Variants in PUS3 observed in about 807,000 individuals in gnomAD.
The protein encoded by PUS3 is pseudouridine synthase 3.
A neutral mutation model predicts 43.3 loss-of-function variants in PUS3; 36 were observed. The observed-to-expected ratio is 0.83, with a 90% CI of 0.64 to 1.10. The LOEUF (loss-of-function observed/expected upper bound fraction) is 1.10, where lower values mean the gene tolerates loss of function less well. PUS3 is among the 50% of genes least tolerant of loss of function. The pLI, the probability that PUS3 is intolerant of heterozygous loss-of-function variation, is 0.00. For synonymous variants in PUS3, 183 were observed against 199.2 expected (o/e 0.92, Z 0.69); for missense variants, 544 against 589.9 (o/e 0.92, Z 0.81).
Position 125,896,180 on chromosome 11 carries a change from A to G in PUS3, c.105T>C (p.Asn35=). ...VQRLKKEQAK[N]KEDSNIRENS... is the part of the protein sequence containing the mutation. The stretch of plus-strand genomic sequence containing the variant: ...TTTCTCTAATGTTTGAGTCCTCCTT[A>G]TTTTTGGCCTGTTCCTTTTTAAGTC... Residue 35 remains asparagine (N), a synonymous_variant, in exon 2 of 4, where the codon AAT becomes AAC. Transcript: ENST00000227474. The G allele has an allele frequency of 1.2e-6, 2 of 1,613,910 alleles. No individual in the cohort carries two copies. The highest frequency in any genetic ancestry group is 1.7e-6 in the Non-Finnish European group (2 of 1,179,960).
chr11:125,896,289 T>A lies in PUS3; in HGVS notation c.-5A>T. 6.2e-7 allele frequency: 1 copy of A among 1,600,820 alleles called. No individual in the cohort carries two copies. The highest frequency in any genetic ancestry group is 1.1e-5 in the South Asian group (1 of 90,556). On this transcript the variant is annotated 5_prime_UTR_variant, in exon 2 of 4. Transcript: ENST00000227474. ...GTCTGTGTCATTATAAGCCATGATA[T>A]GACAACCCCAGGAATAAACGAACCA... is the stretch of plus-strand genomic sequence containing the variant.
At chr11:125,902,757 G>T (rs1232708348) in intron 1 of PUS3, among the ~76,000 whole-genome samples, 1 of 151,920 alleles carries the variant, frequency 6.6e-6, no homozygotes, top group Non-Finnish European at 1.5e-5. Context: ...AAGCAATCGT[G>T]GTCTGTATGT....
intron 1 of PUS3, among the ~76,000 whole-genome samples, chr11:125,902,526 T>G (rs1944805304): frequency 6.7e-6 from 1 of 149,430 alleles, no homozygotes; most frequent in Non-Finnish European, 1.5e-5. Flanking sequence ...GGTGGAAGGA[T>G]CGCTTGAGCC....
At position 125,893,564 on chromosome 11, in the gene PUS3, G is replaced by C; in HGVS notation, c.*221C>G. Reference sequence around the variant, plus strand: ...GTATGTAAATACATCTCCATTTTACGTTCTTTAATCGCTTAATCCTTTTGG... The same window carrying C: ...GTATGTAAATACATCTCCATTTTACCTTCTTTAATCGCTTAATCCTTTTGG... On this transcript the variant is annotated 3_prime_UTR_variant, in exon 4 of 4. Coordinates refer to ENST00000227474, the MANE Select transcript of PUS3 (RefSeq NM_031307.4). The C allele has an allele frequency of 2.4e-6, 1 of 414,922 alleles. No individual in the cohort carries two copies. The highest frequency in any genetic ancestry group is 5.6e-5 in the South Asian group (1 of 18,012). The allele number at this position is 414,922 out of a possible 1,614,324, so 25.7% of individuals were successfully genotyped here. A position where few individuals can be genotyped will look rare whatever the true frequency, so the allele number is the denominator to read the frequency against.
At chr11:125,901,799 T>C (rs2134264894) in intron 1 of PUS3, among the ~76,000 whole-genome samples, 1 of 152,276 alleles carries the variant, frequency 6.6e-6, no homozygotes, top group Non-Finnish European at 1.5e-5. Context: ...AAATAGTCAT[T>C]GGGAATCTTG....
chr11:125,893,616 T>G lies in PUS3; in HGVS notation c.*169A>C. 1.8e-6 allele frequency: 1 copy of G among 548,418 alleles called. No individual in the cohort carries two copies. Among genetic ancestry groups the G allele is most frequent in the Non-Finnish European group, 3.1e-6 (1 of 326,588 alleles). The allele number at this position is 548,418 out of a possible 1,614,324, so 34.0% of individuals were successfully genotyped here. On this transcript the variant is annotated 3_prime_UTR_variant, in exon 4 of 4. Coordinates refer to ENST00000227474, the MANE Select transcript of PUS3 (RefSeq NM_031307.4). ...CCGGGATAAGAGAATATTTGAAATT[T>G]CTTATTAAAGCAATAACTTCCTTAA... is the stretch of plus-strand genomic sequence containing the variant.
chr11:125,897,796 C>G (rs1489955717), intron 1 of PUS3, among the ~76,000 whole-genome samples: 1 of 152,136 alleles, frequency 6.6e-6, no homozygotes, highest in Non-Finnish European at 1.5e-5. Context: ...ATTTTGGCAA[C>G]AGCTGTCAAA....
rs78786765 is a variant in PUS3, at chr11:125,899,641, G to T, written c.-46-3311C>A. On this transcript the variant is annotated intron_variant, in intron 1 of 3. Transcript: ENST00000227474. The stretch of plus-strand genomic sequence containing the variant: ...CTGAGGCCTCCCAAAGACTCCGAAA[G>T]CCAGTGATGAAGAGAAAGGTGCTGC... 2,537 of 1,614,190 alleles carry T rather than the reference G, an allele frequency of 1.6e-3. 31 individuals carry two copies. The African/African-American group carries it at 0.024, about 15-fold the overall frequency.
In PUS3 at chr11:125,900,067, T is replaced by C. The variant is rs779783404; in HGVS notation, c.-47+3103A>G. ...CAATACGTTTACCTGGTGAAGATCA[T>C]AGAAAGGAATTACGCTGGGGTGTCC... On this transcript the variant is annotated intron_variant, in intron 1 of 3. Transcript: ENST00000227474. The C allele has an allele frequency of 1.2e-6, 2 of 1,614,138 alleles. No homozygotes were observed. Among genetic ancestry groups the C allele is most frequent in the Non-Finnish European group, 8.5e-7 (1 of 1,180,028 alleles).
intron 1 of PUS3, among the ~76,000 whole-genome samples, chr11:125,902,376 C>T (rs368882280): frequency 3.2e-4 from 3 of 9,426 alleles, no homozygotes; most frequent in Admixed American, 1.2e-3. Context: ...GGGGTGGTGG[C>T]GGGGGGGAGG....
chr11:125,894,311 T>C lies in PUS3; in HGVS notation c.945-25A>G, dbSNP rs1280215486. The C allele has an allele frequency of 1.9e-6, 3 of 1,559,010 alleles. No individual in the cohort carries two copies. The African/African-American group carries it at 4.1e-5, about 21-fold the overall frequency. ...ACTAGAGAAAAAGAGAAAAGAAAGT[T>C]TGAGAATACATAACATCCATCTAAC... On this transcript the variant is annotated intron_variant, in intron 3 of 3. Transcript: ENST00000227474.
At chr11:125,899,761 A>C in intron 1 of PUS3, 2 of 1,614,222 alleles carry the variant, frequency 1.2e-6, no homozygotes, top group South Asian at 2.2e-5. Context: ...TCTGGGACTT[A>C]AGACAAAGGC....
chr11:125,897,975 A>G (rs1162531224), intron 1 of PUS3, among the ~76,000 whole-genome samples: 1 of 152,222 alleles, frequency 6.6e-6, no homozygotes, highest in Non-Finnish European at 1.5e-5. Flanking sequence ...TTTATGATAC[A>G]TTCATACATT....
At chr11:125,899,435 G>T in intron 1 of PUS3, 1 of 1,614,222 alleles carries the variant, frequency 6.2e-7, no homozygotes, top group South Asian at 1.1e-5. Flanking sequence ...AATGTTGGCA[G>T]CTGCTACAGC....
rs1319206829 is a variant in PUS3, at chr11:125,899,902, CTCTCCAGCT to C, written c.-47+3259_-47+3267del. 3.1e-6 allele frequency: 5 copies of C among 1,614,210 alleles called. No homozygotes were observed. The highest frequency in any genetic ancestry group is 4.2e-6 in the Non-Finnish European group (5 of 1,180,042). ...GCTCTCTACAAAGAGAAGGAATGGG[CTCTCCAGCT>C]TACGAACAAGACCTGATTGTTGCCA... On this transcript the variant is annotated intron_variant, in intron 1 of 3. Coordinates refer to ENST00000227474, the MANE Select transcript of PUS3 (RefSeq NM_031307.4).
At chr11:125,900,369 T>A (rs1041859168) in intron 1 of PUS3, 7 of 1,148,192 alleles carry the variant, frequency 6.1e-6, no homozygotes, top group African/African-American at 3.1e-5. Flanking sequence ...CTTCGAAACA[T>A]TTTATGGTAA....
rs772877584 is a variant in PUS3, at chr11:125,893,821, C to G, written c.1410G>C (p.Arg470Ser). ...TTTTAATTTCTGTGTCAACACAGAC[C>G]CTCTTCGTTGGTGTCTCCAAATTAG... Reference protein sequence around the residue: ...ENTNLETPTKRVCVDTEIKSI... With the variant: ...ENTNLETPTKSVCVDTEIKSI... Residue 470 changes from arginine to serine, a missense_variant, in exon 4 of 4, where the codon AGG becomes AGC. By Grantham distance (110) the Arg-to-Ser change is moderately radical. Coordinates refer to ENST00000227474, the MANE Select transcript of PUS3 (RefSeq NM_031307.4). The G allele has an allele frequency of 2.5e-6, 4 of 1,613,600 alleles. No individual in the cohort carries two copies. Among genetic ancestry groups the G allele is most frequent in the Non-Finnish European group, 3.4e-6 (4 of 1,179,780 alleles).
In PUS3 at chr11:125,893,686, T is replaced by C. The variant is rs80185627; in HGVS notation, c.*99A>G. 141,315 of 806,480 alleles carry C rather than the reference T, an allele frequency of 0.18. 15,918 individuals carry two copies. Among genetic ancestry groups the C allele is most frequent in the Admixed American group, 0.29 (9,561 of 33,386 alleles). 50.0% of individuals were successfully genotyped at this position (806,480 alleles called of 1,614,324 possible). A position where few individuals can be genotyped will look rare whatever the true frequency, so the allele number is the denominator to read the frequency against. On this transcript the variant is annotated 3_prime_UTR_variant, in exon 4 of 4. Coordinates refer to ENST00000227474, the MANE Select transcript of PUS3 (RefSeq NM_031307.4). The stretch of plus-strand genomic sequence containing the variant: ...CTTTTTTTTTTCTTTTAAGAGCTGA[T>C]CATCTGAATTCCTAGTACTTGCAAG...
At chr11:125,899,908 A>C (rs563140976) in intron 1 of PUS3, 1 of 1,614,218 alleles carries the variant, frequency 6.2e-7, no homozygotes, top group Non-Finnish European at 8.5e-7. Flanking sequence ...TGGGCTCTCC[A>C]GCTTACGAAC....
Sources: allele counts gnomAD v4.1 joint callset (sites outside exome capture counted in the v4.1 genomes callset), GRCh38; gene constraint gnomAD v4.1.1; transcripts MANE v1.5; gene names NCBI Gene and HGNC (gene_info 2026-07-23, HGNC 2026-07-21).